The following PCDHA10 variants were observed in gnomAD, a reference collection of about 807,000 sequenced individuals.
PCDHA10 encodes protocadherin alpha-10.
PCDHA10 carries 45 observed loss-of-function variants against 61.2 expected under a neutral mutation model. That is an observed-to-expected ratio of 0.74 (90% CI 0.58 to 0.94). The LOEUF (loss-of-function observed/expected upper bound fraction) is 0.94. Among genes scored for constraint, PCDHA10 ranks in the 40% least tolerant of loss-of-function variants. The pLI is 0.00. For synonymous variants in PCDHA10, 602 were observed against 548.8 expected (o/e 1.10, Z -1.35); for missense variants, 1,278 against 1,236.2 (o/e 1.03, Z -0.51).
chr5:140,917,874 C>T (rs1240832097), intron 1 of PCDHA10, among the ~76,000 whole-genome samples: 2 of 151,008 alleles, frequency 1.3e-5, no homozygotes, highest in African/African-American at 4.9e-5. Context: ...ACTATTTGGG[C>T]TCTTTTTTTT....
intron 1 of PCDHA10, chr5:140,876,905 C>T (rs782526620): frequency 2.5e-6 from 4 of 1,614,032 alleles, no homozygotes; most frequent in Non-Finnish European, 3.4e-6. Context: ...TTCACGGTGT[C>T]GGCATGGGAC....
chr5:140,929,161 C>T lies in PCDHA10; in HGVS notation c.2389-49788C>T. On this transcript the variant is annotated intron_variant, in intron 1 of 3. Transcript: ENST00000307360. ...GAGACTTTCTCAGACTTATCTCTAT[C>T]GGGCCTCTCTGGGACTTGGTTCTGA... 2 of 1,614,136 alleles carry T rather than the reference C, an allele frequency of 1.2e-6. No homozygotes were observed. The highest frequency in any genetic ancestry group is 1.7e-6 in the Non-Finnish European group (2 of 1,180,028).
intron 1 of PCDHA10, chr5:140,875,217 C>G (rs1554167556): frequency 2.7e-6 from 2 of 734,894 alleles, no homozygotes; most frequent in African/African-American, 3.5e-5. Flanking sequence ...CCGAAAAGAA[C>G]CTCAGGATCT....
intron 1 of PCDHA10, among the ~76,000 whole-genome samples, chr5:140,905,708 C>T (rs1372981287): frequency 1.1e-4 from 16 of 152,092 alleles, no homozygotes; most frequent in Non-Finnish European, 1.6e-4. Context: ...TTATGATTTC[C>T]TTCAGCAGTG....
At chr5:140,954,183 A>T (rs246025) in intron 1 of PCDHA10, among the ~76,000 whole-genome samples, 85,732 of 152,134 alleles carry the variant, frequency 0.56, 24,791 homozygotes, top group African/African-American at 0.69. Flanking sequence ...CCAGTCTATC[A>T]TTGATGGGCA....
chr5:140,870,297 C>T, intron 1 of PCDHA10: 1 of 1,614,186 alleles, frequency 6.2e-7, no homozygotes, highest in Non-Finnish European at 8.5e-7. Context: ...AGCTGGTGTC[C>T]ACCTTCAAGA....
chr5:140,887,955 CTTTT>C (rs2061644555), intron 1 of PCDHA10, among the ~76,000 whole-genome samples: 2 of 152,088 alleles, frequency 1.3e-5, no homozygotes, highest in African/African-American at 4.8e-5. Flanking sequence ...GTATAAGATT[CTTTT>C]TGTCTCTTTT....
At chr5:140,916,377 C>T (rs1436518298) in intron 1 of PCDHA10, among the ~76,000 whole-genome samples, 4 of 152,092 alleles carry the variant, frequency 2.6e-5, no homozygotes, top group African/African-American at 9.7e-5. Flanking sequence ...CTGTAGCCAC[C>T]ACAACTAGGA....
rs1554148421 is a variant in PCDHA10, at chr5:140,856,225, G to A, written c.177G>A (p.Val59=). 1 of 1,598,066 alleles carries A rather than the reference G, an allele frequency of 6.3e-7. No individual in the cohort carries two copies. The highest frequency in any genetic ancestry group is 8.6e-7 in the Non-Finnish European group (1 of 1,167,886). Residue 59 remains valine (V), a synonymous_variant, in exon 1 of 4, where the codon GTG becomes GTA. Coordinates refer to ENST00000307360, the MANE Select transcript of PCDHA10 (RefSeq NM_018901.4). The stretch of plus-strand genomic sequence containing the variant: ...TGGGGCTGGAGCTGGCGGAGCTGGT[G>A]CAGCGCCTGTTCCGGGTGGCGTCCA... ...QDLGLELAEL[V]QRLFRVASKR...
Position 141,010,339 on chromosome 5 carries a change from A to G in PCDHA10, c.*402A>G. 2 of 1,534,058 alleles carry G rather than the reference A, an allele frequency of 1.3e-6. No homozygotes were observed. Among genetic ancestry groups the G allele is most frequent in the East Asian group, 4.9e-5 (2 of 40,762 alleles). On this transcript the variant is annotated 3_prime_UTR_variant, in exon 4 of 4. Transcript: ENST00000307360. ...TTGAGCAGCTTGGGAGTTTGTGGCC[A>G]CTGGGTATGTGTGGCTACCGCGGGT...
At chr5:140,896,226 T>C (rs1554186874) in intron 1 of PCDHA10, among the ~76,000 whole-genome samples, 1 of 152,242 alleles carries the variant, frequency 6.6e-6, no homozygotes, top group Non-Finnish European at 1.5e-5. Flanking sequence ...GTCTTTATAG[T>C]AGAATGACTT....
At chr5:140,871,545 A>G (rs1554165721) in intron 1 of PCDHA10, 1 of 1,501,736 alleles carries the variant, frequency 6.7e-7, no homozygotes, top group Non-Finnish European at 8.9e-7. Context: ...GAAATTATTT[A>G]AAATCCAGTT....
At position 140,856,841 on chromosome 5, in the gene PCDHA10, G is replaced by A. The variant is rs781868199; in HGVS notation, c.793G>A (p.Ala265Thr). The change falls in exon 1 of 4, where the codon GCT becomes ACT. Residue 265 changes from alanine (A) to threonine (T), a missense_variant. Transcript: ENST00000307360. Reference sequence around the variant, plus strand: ...CCAAACATTAGTAATACGGCTCAACGCTTCTGATTCGGATGAAGGAATAAA... The same window carrying A: ...CCAAACATTAGTAATACGGCTCAACACTTCTGATTCGGATGAAGGAATAAA... ...VNQTLVIRLN[A>T]SDSDEGINKE... 1.3e-5 allele frequency: 20 copies of A among 1,592,418 alleles called. 3 individuals are homozygous for A. The highest frequency in any genetic ancestry group is 3.4e-5 in the Admixed American group (2 of 59,178).
At chr5:140,989,802 G>C (rs2153885493) in intron 3 of PCDHA10, among the ~76,000 whole-genome samples, 2 of 152,336 alleles carry the variant, frequency 1.3e-5, no homozygotes, top group South Asian at 4.1e-4. Flanking sequence ...CCAGGAAAGG[G>C]CCATAAGATT....
intron 1 of PCDHA10, among the ~76,000 whole-genome samples, chr5:140,938,353 C>G (rs2092034112): frequency 6.6e-6 from 1 of 152,138 alleles, no homozygotes; most frequent in Admixed American, 6.5e-5. Flanking sequence ...TGTCTTATTC[C>G]TGGTCTCAGA....
chr5:140,894,790 T>G lies in PCDHA10; in HGVS notation c.2388+36354T>G, dbSNP rs943284227. On this transcript the variant is annotated intron_variant, in intron 1 of 3. Coordinates refer to ENST00000307360, the MANE Select transcript of PCDHA10 (RefSeq NM_018901.4). ...TCCTTTAGTGTAATTATTTGTCCTC[T>G]CCTTTAAAAATAATTTTATATCAGA... Among the ~76,000 whole-genome samples, 13 of 152,282 alleles carry G rather than the reference T, an allele frequency of 8.5e-5. No individual in the cohort carries two copies. The South Asian group carries it at 2.5e-3, about 29-fold the overall frequency.
At chr5:140,902,938 C>T (rs2069876653) in intron 1 of PCDHA10, among the ~76,000 whole-genome samples, 1 of 152,186 alleles carries the variant, frequency 6.6e-6, no homozygotes. Flanking sequence ...ATATATACCA[C>T]ATTTTCTTTA....
intron 1 of PCDHA10, among the ~76,000 whole-genome samples, chr5:140,950,043 A>G (rs1011500100): frequency 1.6e-4 from 25 of 151,950 alleles, no homozygotes; most frequent in Non-Finnish European, 3.4e-4. Context: ...TTACAACCAT[A>G]TAAGACTATT....
At chr5:140,898,015 T>C (rs376663063) in intron 1 of PCDHA10, among the ~76,000 whole-genome samples, 3 of 152,154 alleles carry the variant, frequency 2.0e-5, no homozygotes, top group Non-Finnish European at 4.4e-5. Context: ...TCATATCCTT[T>C]GCCCACTTTT....
Sources: gnomAD v4.1 joint callset for allele counts (sites outside exome capture counted in the v4.1 genomes callset) on GRCh38, gnomAD v4.1.1 for gene constraint, MANE v1.5 for transcripts, NCBI Gene and HGNC (gene_info 2026-07-23, HGNC 2026-07-21) for gene names.